Variants in PELI1 observed in about 807,000 individuals in gnomAD.
The protein encoded by PELI1 is E3 ubiquitin-protein ligase pellino homolog 1.
PELI1 carries 15 observed loss-of-function variants against 41.3 expected under a neutral mutation model. The observed-to-expected ratio is 0.36, with a 90% CI of 0.24 to 0.56. The LOEUF (loss-of-function observed/expected upper bound fraction) is 0.56. Ranked by LOEUF, PELI1 falls within the 20% of genes least tolerant of loss-of-function variation. PELI1 has a pLI of 0.82. For missense variants in PELI1, 403 were observed against 525.5 expected (o/e 0.77, Z 2.28); for synonymous variants, 178 against 180.1 (o/e 0.99, Z 0.09).
At chr2:64,103,204 A>G (rs146203840) in intron 3 of PELI1, among the ~76,000 whole-genome samples, 56 of 152,270 alleles carry the variant, frequency 3.7e-4, no homozygotes, top group Admixed American at 9.8e-4. Context: ...TGAAAAAGAG[A>G]TAACAATGAA....
chr2:64,119,694 T>G (rs528985221), intron 1 of PELI1, among the ~76,000 whole-genome samples: 10 of 152,314 alleles, frequency 6.6e-5, no homozygotes, highest in African/African-American at 2.4e-4. Flanking sequence ...AGAGCAATTT[T>G]TTAACACAGG....
At chr2:64,110,301 G>C (rs1292120792) in intron 1 of PELI1, among the ~76,000 whole-genome samples, 1 of 145,256 alleles carries the variant, frequency 6.9e-6, no homozygotes, top group Non-Finnish European at 1.5e-5. Flanking sequence ...GAGAGAGAGA[G>C]AACACTGCAT....
intron 1 of PELI1, among the ~76,000 whole-genome samples, chr2:64,109,609 G>A (rs1313009936): frequency 1.3e-5 from 2 of 152,188 alleles, no homozygotes; most frequent in African/African-American, 4.8e-5. Flanking sequence ...GAACCCGGGA[G>A]GAGGAGGTTG....
intron 1 of PELI1, among the ~76,000 whole-genome samples, chr2:64,126,409 G>A (rs2103727748): frequency 6.6e-6 from 1 of 152,250 alleles, no homozygotes; most frequent in Admixed American, 6.5e-5. Flanking sequence ...TGATCTGCCT[G>A]CCTTGGCCTC....
At chr2:64,127,728 C>A (rs1681434884) in intron 1 of PELI1, among the ~76,000 whole-genome samples, 1 of 152,062 alleles carries the variant, frequency 6.6e-6, no homozygotes, top group Non-Finnish European at 1.5e-5. Context: ...TCTATGTTGT[C>A]AAAGGATTAT....
intron 1 of PELI1, among the ~76,000 whole-genome samples, chr2:64,123,405 A>C (rs1404973333): frequency 6.6e-6 from 1 of 152,238 alleles, no homozygotes; most frequent in Non-Finnish European, 1.5e-5. Flanking sequence ...GGGAAAAATT[A>C]TTTGCAAATC....
At chr2:64,127,716 T>C (rs997384995) in intron 1 of PELI1, among the ~76,000 whole-genome samples, 1 of 152,202 alleles carries the variant, frequency 6.6e-6, no homozygotes, top group Non-Finnish European at 1.5e-5. Flanking sequence ...CTATAATTCT[T>C]TTCTATGTTG....
At chr2:64,118,206 G>C (rs1681065790) in intron 1 of PELI1, among the ~76,000 whole-genome samples, 1 of 151,858 alleles carries the variant, frequency 6.6e-6, no homozygotes, top group Non-Finnish European at 1.5e-5. Context: ...TATACAGCTG[G>C]GATATTTCTA....
chr2:64,108,515 GC>G, intron 1 of PELI1, 136 bp from the exon 2 acceptor site: 1 of 473,156 alleles, frequency 2.1e-6, no homozygotes, highest in Non-Finnish European at 3.7e-6. Context: ...GGGACATTTT[GC>G]CCAATAATGA....
rs375168158 is a variant in PELI1 at position 64,136,326 on chromosome 2, G to C, written c.-70+7755C>G. Among the ~76,000 whole-genome samples the C allele has an allele frequency of 9.2e-5, 14 of 152,072 alleles. 2 individuals carry two copies. Among genetic ancestry groups the C allele is most frequent in the Admixed American group, 9.2e-4 (14 of 15,278 alleles). ...AAAATACGTTAAATAATCTAGTCTA[G>C]CAGCTCAGCCCTGATAGTATGTGCA... is the stretch of plus-strand genomic sequence containing the variant. On this transcript the variant is annotated intron_variant, in intron 1 of 6. Transcript: ENST00000358912.
At chr2:64,116,254 A>G (rs2103707067) in intron 1 of PELI1, among the ~76,000 whole-genome samples, 1 of 152,284 alleles carries the variant, frequency 6.6e-6, no homozygotes, top group Non-Finnish European at 1.5e-5. Flanking sequence ...CACAACTAAG[A>G]ACCCAAACAG....
chr2:64,131,908 A>T (rs1681569583), intron 1 of PELI1, among the ~76,000 whole-genome samples: 1 of 152,242 alleles, frequency 6.6e-6, no homozygotes, highest in African/African-American at 2.4e-5. Flanking sequence ...GGCATGAGCC[A>T]CTGCACCCAG....
chr2:64,114,246 G>T (rs1030118069), intron 1 of PELI1, among the ~76,000 whole-genome samples: 1 of 152,070 alleles, frequency 6.6e-6, no homozygotes, highest in African/African-American at 2.4e-5. Context: ...GACTCAAACA[G>T]AAAGAACTGC....
intron 6 of PELI1, among the ~76,000 whole-genome samples, chr2:64,095,665 T>C (rs1345375821): frequency 1.3e-5 from 2 of 151,920 alleles, no homozygotes; most frequent in Non-Finnish European, 1.5e-5. Flanking sequence ...TTCCAGAGTT[T>C]ACTAAAATGC....
intron 1 of PELI1, among the ~76,000 whole-genome samples, chr2:64,140,817 A>C (rs1313661694): frequency 1.3e-5 from 2 of 148,468 alleles, no homozygotes; most frequent in Non-Finnish European, 1.5e-5. Flanking sequence ...ACAAAAAAAA[A>C]CCTAGGGGCA....
chr2:64,098,701 G>C (rs114502881), intron 4 of PELI1, among the ~76,000 whole-genome samples: 233 of 152,310 alleles, frequency 1.5e-3, no homozygotes, highest in African/African-American at 5.4e-3. Flanking sequence ...TAGAGTTGGA[G>C]TTGGAATATC....
chr2:64,095,085 G>C lies in PELI1; in HGVS notation c.874C>G (p.Pro292Ala). ...ACAACGTCTTTCCTCTTCATACTAG[G>C]AAATGCTAGTGTGTTGAACCCTACA... ...CPVGFNTLAF[P>A]SMKRKDVVDE... The change falls in exon 7 of 7, where the codon CCT becomes GCT. Residue 292 changes from proline (P) to alanine (A), a missense_variant. Coordinates refer to ENST00000358912, the MANE Select transcript of PELI1 (RefSeq NM_020651.4). The C allele has an allele frequency of 6.2e-7, 1 of 1,614,088 alleles. No individual in the cohort carries two copies. Among genetic ancestry groups the C allele is most frequent in the Non-Finnish European group, 8.5e-7 (1 of 1,179,938 alleles).
chr2:64,096,743 TG>T, intron 4 of PELI1, 133 bp from the exon 5 acceptor site: 1 of 606,534 alleles, frequency 1.6e-6, no homozygotes, highest in South Asian at 2.1e-5. Flanking sequence ...TACTTAACGC[TG>T]GGGGCATCTA....
chr2:64,112,667 G>A (rs1680842408), intron 1 of PELI1, among the ~76,000 whole-genome samples: 1 of 152,084 alleles, frequency 6.6e-6, no homozygotes, highest in Non-Finnish European at 1.5e-5. Context: ...TTCTGTATTT[G>A]ATAATCTAAA....
Sources: allele counts gnomAD v4.1 joint callset (sites outside exome capture counted in the v4.1 genomes callset), GRCh38; gene constraint gnomAD v4.1.1; transcripts MANE v1.5; gene names NCBI Gene and HGNC (gene_info 2026-07-23, HGNC 2026-07-21).